ZBTB20: variants seen among roughly 807,000 people sequenced by gnomAD.
The protein encoded by ZBTB20 is zinc finger and BTB domain-containing protein 20.
A neutral mutation model predicts 56.9 loss-of-function variants in ZBTB20; 9 were observed. That is an observed-to-expected ratio of 0.16 (90% CI 0.10 to 0.28). The LOEUF is 0.28. Ranked by LOEUF, ZBTB20 falls within the 10% of genes least tolerant of loss-of-function variation. ZBTB20 has a pLI of 1.00. For synonymous variants in ZBTB20, 417 were observed against 420.7 expected, an observed-to-expected ratio of 0.99 and a Z score of 0.11; for missense variants, 655 against 1,003.0, an observed-to-expected ratio of 0.65 and a Z score of 4.69.
chr3:114,504,499 T>A (rs1387180347), intron 6 of ZBTB20, among the ~76,000 whole-genome samples: 1 of 152,202 alleles, frequency 6.6e-6, no homozygotes, highest in Non-Finnish European at 1.5e-5. Flanking sequence ...TGCACACGTG[T>A]TCATTTATCC....
At chr3:114,706,601 A>G (rs1346139312) in intron 5 of ZBTB20, among the ~76,000 whole-genome samples, 1 of 152,160 alleles carries the variant, frequency 6.6e-6, no homozygotes. Context: ...ATCAGTAATA[A>G]TAATAAAGAA....
chr3:114,803,357 G>A lies in ZBTB20; in HGVS notation c.-416-2183C>T, dbSNP rs150975170. 1.3e-3 allele frequency among the ~76,000 whole-genome samples: 192 copies of A among 151,770 alleles called. 2 individuals carry two copies. In the Middle Eastern group the frequency reaches 0.017, roughly 13 times the overall value. The stretch of plus-strand genomic sequence containing the variant: ...ATTCCCATGCTGTACTACTCATCAC[G>A]AGGAGAACTGAAATTTATTTACATT... On this transcript the variant is annotated intron_variant, in intron 4 of 11. Coordinates refer to ENST00000675478, the MANE Select transcript of ZBTB20 (RefSeq NM_001348800.3).
intron 2 of ZBTB20, among the ~76,000 whole-genome samples, chr3:115,049,133 C>T (rs562220125): frequency 4.2e-4 from 64 of 152,180 alleles, no homozygotes; most frequent in Non-Finnish European, 4.0e-4. Context: ...CCATCATGTC[C>T]TGTAGGAAGT....
chr3:114,781,321 A>C (rs866122211), intron 5 of ZBTB20, among the ~76,000 whole-genome samples: 8 of 152,170 alleles, frequency 5.3e-5, no homozygotes, highest in South Asian at 2.1e-4. Flanking sequence ...TTACATATAA[A>C]TCTTTTAGAA....
intron 2 of ZBTB20, among the ~76,000 whole-genome samples, chr3:115,052,293 C>T (rs2081581039): frequency 6.6e-6 from 1 of 151,896 alleles, no homozygotes; most frequent in African/African-American, 2.4e-5. Flanking sequence ...CCTGTCTCTA[C>T]TAAAAATACA....
At chr3:114,910,338 G>T (rs574298637) in intron 3 of ZBTB20, among the ~76,000 whole-genome samples, 1 of 150,462 alleles carries the variant, frequency 6.6e-6, no homozygotes, top group East Asian at 2.0e-4. Flanking sequence ...CACATTACCA[G>T]GCCCAAATAT....
chr3:114,482,087 G>T lies in ZBTB20; in HGVS notation c.-255+18265C>A, dbSNP rs564957688. Among the ~76,000 whole-genome samples the T allele has an allele frequency of 8.5e-5, 13 of 152,242 alleles. No homozygotes were observed. The South Asian group carries it at 1.0e-3, about 12-fold the overall frequency. ...AGCAGGAAGATGTCTTTGCAGGGGG[G>T]TGTCTAGGACTATGGACTTAAGATA... On this transcript the variant is annotated intron_variant, in intron 7 of 11. Coordinates refer to ENST00000675478, the MANE Select transcript of ZBTB20 (RefSeq NM_001348800.3).
intron 5 of ZBTB20, among the ~76,000 whole-genome samples, chr3:114,788,472 G>C (rs974043672): frequency 1.3e-5 from 2 of 152,100 alleles, no homozygotes; most frequent in Non-Finnish European, 2.9e-5. Context: ...CCATGCTATA[G>C]CATATGTCAG....
intron 2 of ZBTB20, among the ~76,000 whole-genome samples, chr3:115,010,261 G>A (rs542657128): frequency 1.3e-5 from 2 of 152,036 alleles, no homozygotes; most frequent in African/African-American, 4.8e-5. Flanking sequence ...TAGAATCTCA[G>A]GCATTGAGCA....
chr3:114,535,534 G>A (rs1026428322), intron 6 of ZBTB20, among the ~76,000 whole-genome samples: 26 of 152,086 alleles, frequency 1.7e-4, no homozygotes, highest in African/African-American at 6.0e-4. Context: ...AGGACCAGAC[G>A]AATTCACAGC....
chr3:114,949,156 C>T (rs376820973), intron 3 of ZBTB20, among the ~76,000 whole-genome samples: 4 of 146,096 alleles, frequency 2.7e-5, no homozygotes, highest in South Asian at 4.3e-4. Context: ...AAAGTTATTG[C>T]TAACATACTC....
rs879706260 is a variant in ZBTB20, at chr3:114,748,287, T to C, written c.-343+52814A>G. ...TGGGGTTTTTGTTGTAGCTTCTTTC[T>C]TTCTTTCTTTCTTTCTTTCTTTCTT... On this transcript the variant is annotated intron_variant, in intron 5 of 11. Coordinates refer to ENST00000675478, the MANE Select transcript of ZBTB20 (RefSeq NM_001348800.3). Among the ~76,000 whole-genome samples, 202 of 99,720 alleles carry C rather than the reference T, an allele frequency of 2.0e-3. 1 individual carries two copies. The highest frequency in any genetic ancestry group is 3.5e-3 in the Non-Finnish European group (164 of 46,990). 65.4% of individuals were successfully genotyped at this position (99,720 alleles called of 152,430 possible).
chr3:114,416,464 T>C (rs958587348), intron 7 of ZBTB20, among the ~76,000 whole-genome samples: 3 of 152,064 alleles, frequency 2.0e-5, no homozygotes, highest in Non-Finnish European at 4.4e-5. Flanking sequence ...CAGGGTTTTG[T>C]TTTGTTTTGG....
intron 4 of ZBTB20, among the ~76,000 whole-genome samples, chr3:114,842,392 C>T (rs72956299): frequency 0.016 from 2,472 of 152,272 alleles, 72 homozygotes; most frequent in African/African-American, 0.055. Context: ...AGCTTCCAAC[C>T]TCCCTCATCT....
intron 1 of ZBTB20, among the ~76,000 whole-genome samples, chr3:115,091,058 T>C (rs2083175240): frequency 2.0e-5 from 3 of 151,932 alleles, no homozygotes; most frequent in Non-Finnish European, 4.4e-5. Flanking sequence ...ACTTTATTTA[T>C]TATATGGTTA....
At chr3:114,804,966 A>T (rs1277788631) in intron 4 of ZBTB20, among the ~76,000 whole-genome samples, 1 of 151,920 alleles carries the variant, frequency 6.6e-6, no homozygotes, top group Admixed American at 6.6e-5. Flanking sequence ...AGTTTGAATC[A>T]GGATCTAAAT....
At chr3:114,701,713 C>A (rs2063397036) in intron 5 of ZBTB20, among the ~76,000 whole-genome samples, 1 of 151,624 alleles carries the variant, frequency 6.6e-6, no homozygotes, top group South Asian at 2.1e-4. Context: ...TACTGCAATG[C>A]AATGCAACAC....
chr3:114,809,868 G>A (rs561811403), intron 4 of ZBTB20, among the ~76,000 whole-genome samples: 1 of 152,230 alleles, frequency 6.6e-6, no homozygotes, highest in East Asian at 1.9e-4. Flanking sequence ...TGCTGTGTTT[G>A]TTTATTTAGG....
At chr3:114,562,338 T>C (rs2052173200) in intron 6 of ZBTB20, among the ~76,000 whole-genome samples, 1 of 152,150 alleles carries the variant, frequency 6.6e-6, no homozygotes, top group Non-Finnish European at 1.5e-5. Flanking sequence ...CTAATTTTTG[T>C]ATTTTTAGTA....
Sources: allele counts gnomAD v4.1 joint callset (sites outside exome capture counted in the v4.1 genomes callset), GRCh38; gene constraint gnomAD v4.1.1; transcripts MANE v1.5; gene names NCBI Gene and HGNC (gene_info 2026-07-23, HGNC 2026-07-21).